The following SORCS1 variants were observed in gnomAD, a reference collection of about 807,000 sequenced individuals.
SORCS1 encodes the protein sortilin related VPS10 domain containing receptor 1, also known as VPS10 domain-containing receptor SorCS1.
A neutral mutation model predicts 146.1 loss-of-function variants in SORCS1; 60 were observed. The ratio of observed to expected loss-of-function variants is 0.41; its 90% confidence interval spans 0.33 to 0.51. The LOEUF (loss-of-function observed/expected upper bound fraction) is 0.51, where lower values mean the gene tolerates loss of function less well. Among genes scored for constraint, SORCS1 ranks in the 20% least tolerant of loss-of-function variants. SORCS1 has a pLI of 0.21. For missense variants in SORCS1, 1,352 were observed against 1,487.6 expected (o/e 0.91, Z 1.50); for synonymous variants, 637 against 584.0 (o/e 1.09, Z -1.31).
At chr10:106,966,362 G>A (rs555744886) in intron 1 of SORCS1, among the ~76,000 whole-genome samples, 6 of 152,290 alleles carry the variant, frequency 3.9e-5, no homozygotes, top group East Asian at 1.9e-4. Flanking sequence ...TGAAAAAATG[G>A]TAGAAACAGT....
chr10:107,004,408 G>T (rs2139659919), intron 1 of SORCS1, among the ~76,000 whole-genome samples: 1 of 152,248 alleles, frequency 6.6e-6, no homozygotes, highest in Middle Eastern at 3.4e-3. Flanking sequence ...GGTGGAGGAG[G>T]CCTAGCAATC....
At chr10:106,761,913 T>C (rs1431554991) in intron 4 of SORCS1, among the ~76,000 whole-genome samples, 1 of 152,216 alleles carries the variant, frequency 6.6e-6, no homozygotes, top group Non-Finnish European at 1.5e-5. Flanking sequence ...AAATTACATG[T>C]CAAAGAAGTG....
chr10:107,113,766 A>G (rs2134474754), intron 1 of SORCS1, among the ~76,000 whole-genome samples: 1 of 152,010 alleles, frequency 6.6e-6, no homozygotes, highest in Non-Finnish European at 1.5e-5. Flanking sequence ...GGAAAATAAT[A>G]AACTAGGCCC....
intron 1 of SORCS1, among the ~76,000 whole-genome samples, chr10:106,978,338 C>A (rs750810910): frequency 2.0e-5 from 3 of 152,062 alleles, no homozygotes; most frequent in Non-Finnish European, 2.9e-5. Flanking sequence ...TGAGTGGTCT[C>A]TAATTCCAGA....
intron 19 of SORCS1, among the ~76,000 whole-genome samples, chr10:106,624,775 A>G (rs11192979): frequency 0.07 from 10,672 of 152,366 alleles, 448 homozygotes; most frequent in East Asian, 0.19. Flanking sequence ...TTATATATGC[A>G]TACACATATT....
intron 4 of SORCS1, among the ~76,000 whole-genome samples, chr10:106,767,663 A>G (rs900370314): frequency 1.3e-5 from 2 of 150,462 alleles, no homozygotes; most frequent in Non-Finnish European, 3.0e-5. Flanking sequence ...TAATTTTTGT[A>G]TTTTTAGTAG....
chr10:106,801,818 C>G (rs1199152909), intron 3 of SORCS1, among the ~76,000 whole-genome samples: 1 of 152,178 alleles, frequency 6.6e-6, no homozygotes, highest in Non-Finnish European at 1.5e-5. Flanking sequence ...GCGTGAGCCA[C>G]CGTGCCCAGC....
intron 23 of SORCS1, chr10:106,600,377 C>A (rs1846168514): frequency 4.1e-6 from 4 of 977,088 alleles, no homozygotes; most frequent in Non-Finnish European, 4.9e-6. Flanking sequence ...GGACATTCAA[C>A]AATGAACACA....
rs562759590 is a variant in SORCS1 at position 106,607,956 on chromosome 10, C to A, written c.3034-659G>T. Reference sequence around the variant, plus strand: ...GAAGCACCCTGAGCCCTCCACTTGGCCACACTGACTCTTCTGTTAAAATTA... The same window carrying A: ...GAAGCACCCTGAGCCCTCCACTTGGACACACTGACTCTTCTGTTAAAATTA... On this transcript the variant is annotated intron_variant, in intron 22 of 25. Coordinates refer to ENST00000263054, the MANE Select transcript of SORCS1 (RefSeq NM_052918.5). Among the ~76,000 whole-genome samples, 142 of 152,294 alleles carry A rather than the reference C, an allele frequency of 9.3e-4. 1 individual carries two copies. The highest frequency in any genetic ancestry group is 3.3e-3 in the African/African-American group (137 of 41,566).
At chr10:107,016,162 A>G (rs1957888615) in intron 1 of SORCS1, among the ~76,000 whole-genome samples, 1 of 152,216 alleles carries the variant, frequency 6.6e-6, no homozygotes, top group Non-Finnish European at 1.5e-5. Flanking sequence ...ATTGACAAAC[A>G]TGGAAGAACA....
At chr10:106,942,898 G>A (rs1954123532) in intron 2 of SORCS1, among the ~76,000 whole-genome samples, 2 of 152,092 alleles carry the variant, frequency 1.3e-5, no homozygotes, top group South Asian at 2.1e-4. Context: ...GGCCAGGTTT[G>A]TTCTCACTTA....
chr10:107,022,298 C>G (rs186091955), intron 1 of SORCS1, among the ~76,000 whole-genome samples: 2 of 152,086 alleles, frequency 1.3e-5, no homozygotes, highest in African/African-American at 4.8e-5. Flanking sequence ...ACACAAATGA[C>G]GACACACACT....
At chr10:106,723,299 C>CATTA (rs939212359) in intron 6 of SORCS1, among the ~76,000 whole-genome samples, 1 of 152,094 alleles carries the variant, frequency 6.6e-6, no homozygotes, top group Non-Finnish European at 1.5e-5. Flanking sequence ...TAACTATATG[C>CATTA]ATTACACACA....
chr10:106,741,288 G>GTA (rs1444305598), intron 5 of SORCS1, among the ~76,000 whole-genome samples: 2 of 151,948 alleles, frequency 1.3e-5, no homozygotes, highest in East Asian at 3.9e-4. Flanking sequence ...AAGATAATGT[G>GTA]TGTCTTACAC....
rs914643763 is a variant in SORCS1, at chr10:107,164,659, G to T, written c.-133C>A. ...AAGTTGCGCCGCGGTGGGGGCGGGC[G>T]GAGGCGGCGCCGGGCAGGTGGCGGC... On this transcript the variant is annotated 5_prime_UTR_variant, in exon 1 of 26. Transcript: ENST00000263054. This position sits in a 1 kb window ranked among gnomAD's most constrained non-coding sequence, Gnocchi z 6.8. 7.3e-5 allele frequency: 52 copies of T among 707,668 alleles called. No homozygotes were observed. The Admixed American group carries it at 1.0e-3, about 14-fold the overall frequency. The allele number at this position is 707,668 out of a possible 1,614,324, so 43.8% of individuals were successfully genotyped here. A position where few individuals can be genotyped will look rare whatever the true frequency, so the allele number is the denominator to read the frequency against.
At chr10:106,832,794 G>A (rs977743926) in intron 2 of SORCS1, among the ~76,000 whole-genome samples, 21 of 152,060 alleles carry the variant, frequency 1.4e-4, no homozygotes, top group Non-Finnish European at 2.9e-4. Context: ...CAAGAAAATG[G>A]TTCAATTTTC....
At chr10:106,858,300 C>T (rs1216139611) in intron 2 of SORCS1, among the ~76,000 whole-genome samples, 1 of 151,972 alleles carries the variant, frequency 6.6e-6, no homozygotes, top group Non-Finnish European at 1.5e-5. Flanking sequence ...TGTTTCTAGT[C>T]ATACAGATCC....
intron 16 of SORCS1, among the ~76,000 whole-genome samples, 175 bp from the exon 17 acceptor site, chr10:106,667,977 C>CT (rs1254435413): frequency 6.6e-6 from 1 of 151,394 alleles, no homozygotes; most frequent in African/African-American, 2.4e-5. Context: ...AAAAATAGAA[C>CT]TTTTTTCATA....
chr10:106,989,921 C>G (rs780956529), intron 1 of SORCS1, among the ~76,000 whole-genome samples: 1 of 151,928 alleles, frequency 6.6e-6, no homozygotes, highest in South Asian at 2.1e-4. Context: ...CTCATGACCT[C>G]GAGATCCACC....
Sources: allele counts gnomAD v4.1 joint callset (sites outside exome capture counted in the v4.1 genomes callset), GRCh38; gene constraint gnomAD v4.1.1; non-coding constraint Gnocchi (gnomAD v3.1); transcripts MANE v1.5; gene names NCBI Gene and HGNC (gene_info 2026-07-23, HGNC 2026-07-21).